Variants in ZNRF1 observed in about 807,000 individuals in gnomAD.
ZNRF1 encodes the protein zinc and ring finger 1.
ZNRF1 carries 3 observed loss-of-function variants against 18.4 expected under a neutral mutation model. That is an observed-to-expected ratio of 0.16 (90% CI 0.07 to 0.42). The LOEUF (loss-of-function observed/expected upper bound fraction) is 0.42. Ranked by LOEUF, ZNRF1 falls within the 10% of genes least tolerant of loss-of-function variation. The pLI, the probability that ZNRF1 is intolerant of heterozygous loss-of-function variation, is 0.99. For synonymous variants in ZNRF1, 157 were observed against 144.2 expected (o/e 1.09, Z -0.64); for missense variants, 310 against 329.8 (o/e 0.94, Z 0.47).
intron 1 of ZNRF1, among the ~76,000 whole-genome samples, chr16:75,041,684 G>A (rs55662066): frequency 0.88 from 133,321 of 152,098 alleles, 58,884 homozygotes; most frequent in Non-Finnish European, 0.93. Context: ...CTTTTCATGT[G>A]TTTAACAATT....
At chr16:75,077,128 C>T (rs1016477254) in intron 1 of ZNRF1, among the ~76,000 whole-genome samples, 5 of 152,220 alleles carry the variant, frequency 3.3e-5, no homozygotes, top group African/African-American at 7.2e-5. Flanking sequence ...CATGGTGGCT[C>T]GTGCCTGTAA....
At chr16:75,031,597 C>G (rs949608040) in intron 1 of ZNRF1, among the ~76,000 whole-genome samples, 2 of 151,944 alleles carry the variant, frequency 1.3e-5, no homozygotes, top group Non-Finnish European at 2.9e-5. Context: ...AGCCTGACCT[C>G]CAAAGCTCGA....
At chr16:75,036,855 T>A (rs1314545629) in intron 1 of ZNRF1, among the ~76,000 whole-genome samples, 1 of 152,218 alleles carries the variant, frequency 6.6e-6, no homozygotes, top group Admixed American at 6.5e-5. Flanking sequence ...TGATTTCATT[T>A]CTTTATTATG....
chr16:75,054,916 CTCT>C (rs751580092), intron 1 of ZNRF1, among the ~76,000 whole-genome samples: 2 of 152,228 alleles, frequency 1.3e-5, no homozygotes, highest in Non-Finnish European at 2.9e-5. Flanking sequence ...GGATCTGACT[CTCT>C]TCTTGGTCTT....
chr16:75,073,632 CTTTT>C (rs968863314), intron 1 of ZNRF1, among the ~76,000 whole-genome samples: 10 of 152,188 alleles, frequency 6.6e-5, no homozygotes, highest in African/African-American at 2.4e-4. Context: ...TCTTTTGTTT[CTTTT>C]TTTCTCTCAG....
intron 2 of ZNRF1, among the ~76,000 whole-genome samples, chr16:75,094,853 A>G (rs1385571168): frequency 6.6e-6 from 1 of 152,216 alleles, no homozygotes; most frequent in Non-Finnish European, 1.5e-5. Flanking sequence ...AGTGCACTCC[A>G]ACCCTGGTAC....
intron 1 of ZNRF1, among the ~76,000 whole-genome samples, chr16:75,008,719 C>T (rs913828599): frequency 1.3e-5 from 2 of 152,138 alleles, no homozygotes; most frequent in African/African-American, 2.4e-5. Flanking sequence ...CTTATTCTTT[C>T]CAAGAATCTT....
intron 1 of ZNRF1, among the ~76,000 whole-genome samples, chr16:75,043,806 T>TTTTTTTTTTTTTTTTTA: frequency 1.4e-5 from 2 of 147,592 alleles, no homozygotes; most frequent in Middle Eastern, 3.5e-3. Context: ...TTTTTTTTTT[T>TTTTTTTTTTTTTTTTTA]GAGACAGAGT....
At chr16:75,086,575 A>C (rs2036076388) in intron 1 of ZNRF1, among the ~76,000 whole-genome samples, 1 of 152,212 alleles carries the variant, frequency 6.6e-6, no homozygotes, top group Non-Finnish European at 1.5e-5. Flanking sequence ...GAAGAATGTG[A>C]TACCTACAGC....
chr16:75,010,387 G>A (rs770970516), intron 1 of ZNRF1, among the ~76,000 whole-genome samples: 47 of 152,072 alleles, frequency 3.1e-4, no homozygotes, highest in African/African-American at 1.1e-3. Context: ...TATTCCCCTC[G>A]GGAATAAGTA....
intron 2 of ZNRF1, 52 bp downstream of exon 2, chr16:75,093,719 G>A (rs746408870): frequency 2.6e-5 from 38 of 1,481,712 alleles, no homozygotes; most frequent in Non-Finnish European, 2.9e-5. Flanking sequence ...CGGGGGAGCC[G>A]GCCAGTCCTT....
At chr16:75,040,573 A>ATGTTTT (rs767059899) in intron 1 of ZNRF1, among the ~76,000 whole-genome samples, 7 of 130,862 alleles carry the variant, frequency 5.3e-5, no homozygotes, top group Admixed American at 7.6e-5. Flanking sequence ...TTCACTCACC[A>ATGTTTT]TGTTTTTGTT....
At chr16:75,041,681 T>A (rs1323599877) in intron 1 of ZNRF1, among the ~76,000 whole-genome samples, 1 of 152,148 alleles carries the variant, frequency 6.6e-6, no homozygotes, top group African/African-American at 2.4e-5. Flanking sequence ...TCCCTTTTCA[T>A]GTGTTTAACA....
chr16:75,070,174 C>G (rs1291624525), intron 1 of ZNRF1, among the ~76,000 whole-genome samples: 2 of 152,114 alleles, frequency 1.3e-5, no homozygotes, highest in Admixed American at 1.3e-4. Flanking sequence ...ATTCTAAGTC[C>G]AGCAGATGGC....
intron 1 of ZNRF1, among the ~76,000 whole-genome samples, chr16:75,057,690 C>T (rs1437047865): frequency 1.3e-5 from 2 of 152,192 alleles, no homozygotes; most frequent in Non-Finnish European, 2.9e-5. Context: ...AGCTGGAGCG[C>T]AGTGGCACAA....
At chr16:75,081,246 C>T (rs1218860628) in intron 1 of ZNRF1, among the ~76,000 whole-genome samples, 1 of 152,184 alleles carries the variant, frequency 6.6e-6, no homozygotes, top group East Asian at 1.9e-4. Context: ...TGCAAACAGG[C>T]AGTTCCAAGG....
chr16:75,109,166 TTGGGGCTG>T lies in ZNRF1; in HGVS notation c.*1469_*1476del, dbSNP rs2036351686. The T allele has an allele frequency of 6.6e-6, 1 of 152,348 alleles. No homozygotes were observed. Among genetic ancestry groups the T allele is most frequent in the Non-Finnish European group, 1.5e-5 (1 of 68,122 alleles). The allele number at this position is 152,348 out of a possible 1,614,324, so 9.4% of individuals were successfully genotyped here. A position where few individuals can be genotyped will look rare whatever the true frequency, so the allele number is the denominator to read the frequency against. On this transcript the variant is annotated 3_prime_UTR_variant, in exon 5 of 5. Coordinates refer to ENST00000335325, the MANE Select transcript of ZNRF1 (RefSeq NM_032268.5). Reference sequence around the variant, plus strand: ...TTGAGGCCCAGGAAGAGGCCCTGGTTTGGGGCTGTGCCAGCTCAGAGCCCTTGAACCAG... The same window carrying T: ...TTGAGGCCCAGGAAGAGGCCCTGGTTTGCCAGCTCAGAGCCCTTGAACCAG...
intron 1 of ZNRF1, among the ~76,000 whole-genome samples, chr16:75,021,258 C>G (rs1444037188): frequency 6.6e-6 from 1 of 152,110 alleles, no homozygotes; most frequent in Non-Finnish European, 1.5e-5. Context: ...AGGCTGGTCT[C>G]AAACTCCTGA....
Position 75,059,229 on chromosome 16 carries a change from C to CTTTTTTTTTTTTTTTTTTTTT in ZNRF1, c.425-34328_425-34327insTTTTTTTTTTTTTTTTTTTTT, listed in dbSNP as rs35291578. Among the ~76,000 whole-genome samples, 8 of 92,878 alleles carry CTTTTTTTTTTTTTTTTTTTTT rather than the reference C, an allele frequency of 8.6e-5. 2 individuals are homozygous for CTTTTTTTTTTTTTTTTTTTTT. Among genetic ancestry groups the CTTTTTTTTTTTTTTTTTTTTT allele is most frequent in the African/African-American group, 1.1e-4 (3 of 26,612 alleles). 60.9% of individuals were successfully genotyped at this position (92,878 alleles called of 152,430 possible). On this transcript the variant is annotated intron_variant, in intron 1 of 4. Transcript: ENST00000335325. ...TCCTTCCTTCTTTCCTTCTTTCTTTCTTTTTTTTTTTTTTTCTTTTTTTTT... is the reference window on the plus strand; with the variant it reads ...TCCTTCCTTCTTTCCTTCTTTCTTTCTTTTTTTTTTTTTTTTTTTTTTTTTTTTTTTTTTTTCTTTTTTTTT...
Sources: gnomAD v4.1 joint callset for allele counts (sites outside exome capture counted in the v4.1 genomes callset) on GRCh38, gnomAD v4.1.1 for gene constraint, MANE v1.5 for transcripts, NCBI Gene and HGNC (gene_info 2026-07-23, HGNC 2026-07-21) for gene names.